CHLSN: variants seen among roughly 807,000 people sequenced by gnomAD.
The protein encoded by CHLSN is protein cholesin.
At chr7:1,092,194 T>C in the CHLSN span, 1 of 1,613,242 alleles carries the variant, frequency 6.2e-7, no homozygotes, top group East Asian at 2.2e-5. Flanking sequence ...CTTCGACCGC[T>C]ACATCGCCCT....
chr7:1,021,508 G>A, the CHLSN span: 1 of 985,434 alleles, frequency 1.0e-6, no homozygotes, highest in Non-Finnish European at 1.2e-6. Context: ...CCAGTAGTTG[G>A]AGCTGGGACC....
chr7:1,111,936 G>A, the CHLSN span, among the ~76,000 whole-genome samples: 2,589 of 152,294 alleles, frequency 0.017, 94 homozygotes, highest in East Asian at 0.17. Flanking sequence ...TAACCACGGC[G>A]TCATTTCACG....
chr7:1,108,954 T>G, the CHLSN span, among the ~76,000 whole-genome samples: 1 of 150,382 alleles, frequency 6.6e-6, no homozygotes, highest in Non-Finnish European at 1.5e-5. Context: ...TGGAGTGCAG[T>G]GCTGCAAACT....
chr7:1,085,508 G>A, the CHLSN span, among the ~76,000 whole-genome samples: 1 of 152,280 alleles, frequency 6.6e-6, no homozygotes. Flanking sequence ...CACAGGCTCT[G>A]AAGGAGGGTG....
the CHLSN span, chr7:1,055,534 T>G: frequency 6.8e-6 from 3 of 442,624 alleles, no homozygotes; most frequent in Admixed American, 2.4e-5. Context: ...GGGGGCTCTG[T>G]GCAGTACAGG....
chr7:1,094,178 G>A, the CHLSN span, among the ~76,000 whole-genome samples: 8 of 152,218 alleles, frequency 5.3e-5, no homozygotes, highest in African/African-American at 1.9e-4. Flanking sequence ...TGGAGCAGCC[G>A]GCCGGGAAGG....
chr7:995,584 G>T, the CHLSN span, among the ~76,000 whole-genome samples: 1 of 152,236 alleles, frequency 6.6e-6, no homozygotes, highest in Non-Finnish European at 1.5e-5. Context: ...TTTGTTTAAG[G>T]TGCCTCACAG....
At chr7:1,091,999 A>T in the CHLSN span, 5 of 1,614,094 alleles carry the variant, frequency 3.1e-6, no homozygotes, top group Middle Eastern at 1.6e-4. Flanking sequence ...CCGCGAGAAG[A>T]TGACCATCCC....
the CHLSN span, among the ~76,000 whole-genome samples, chr7:1,117,447 C>T: frequency 1.5e-5 from 2 of 134,704 alleles, no homozygotes; most frequent in Admixed American, 7.2e-5. Context: ...TCACAGACGC[C>T]CACGCAGGAT....
the CHLSN span, among the ~76,000 whole-genome samples, chr7:1,016,357 GCACAGCAGCACACGCCAGCA>G: frequency 4.5e-4 from 18 of 39,904 alleles, no homozygotes; most frequent in South Asian, 8.5e-4. Flanking sequence ...GCACGCCAGC[GCACAGCAGCACACGCCAGCA>G]CACAGCAGCA....
chr7:1,031,378 G>A, the CHLSN span, among the ~76,000 whole-genome samples: 1 of 150,158 alleles, frequency 6.7e-6, no homozygotes, highest in Non-Finnish European at 1.5e-5. Context: ...CCTGCAGGGA[G>A]GGCAGAGTGG....
the CHLSN span, among the ~76,000 whole-genome samples, chr7:1,038,692 T>G: frequency 1.6e-5 from 2 of 127,438 alleles, no homozygotes; most frequent in Non-Finnish European, 3.3e-5. Flanking sequence ...AGCCGCCCTG[T>G]CCGGGAGGGA....
chr7:1,127,404 A>C, the CHLSN span: 1 of 1,595,086 alleles, frequency 6.3e-7, no homozygotes, highest in Non-Finnish European at 8.5e-7. Flanking sequence ...AGAGAAAGTA[A>C]ATTGCTGAAG....
the CHLSN span, among the ~76,000 whole-genome samples, chr7:999,361 C>T: frequency 6.6e-6 from 1 of 152,226 alleles, no homozygotes; most frequent in African/African-American, 2.4e-5. Flanking sequence ...CAGGCTGTTC[C>T]AGTCAATTCT....
the CHLSN span, among the ~76,000 whole-genome samples, chr7:1,042,886 C>T: frequency 6.6e-6 from 1 of 152,126 alleles, no homozygotes; most frequent in Admixed American, 6.5e-5. Flanking sequence ...CCAGAATACC[C>T]CTGGGTTCAA....
chr7:1,043,183 G>A, the CHLSN span, among the ~76,000 whole-genome samples: 2 of 151,812 alleles, frequency 1.3e-5, no homozygotes, highest in African/African-American at 4.8e-5. Flanking sequence ...CCAAGATCGT[G>A]TCATTGCACT....
At chr7:1,103,547 T>A in the CHLSN span, among the ~76,000 whole-genome samples, 3 of 152,218 alleles carry the variant, frequency 2.0e-5, no homozygotes, top group African/African-American at 7.2e-5. Context: ...CAGGAGACAT[T>A]GGCTGATGAA....
At chr7:983,020 G>A in the CHLSN span, among the ~76,000 whole-genome samples, 1 of 148,092 alleles carries the variant, frequency 6.8e-6, no homozygotes, top group Non-Finnish European at 1.5e-5. Context: ...CCCCACCAGG[G>A]CCTCAGCCCC....
At chr7:986,254 G>A in the CHLSN span, 3 of 227,200 alleles carry the variant, frequency 1.3e-5, no homozygotes, top group African/African-American at 7.0e-5. Context: ...ATACAGCCTC[G>A]TGGGCTGGCT....
Sources: allele counts gnomAD v4.1 joint callset (sites outside exome capture counted in the v4.1 genomes callset), GRCh38; gene constraint gnomAD v4.1.1; transcripts MANE v1.5; gene names NCBI Gene and HGNC (gene_info 2026-07-23, HGNC 2026-07-21).